CD99L2: variants seen among roughly 807,000 people sequenced by gnomAD.
CD99L2 encodes CD99 antigen-like protein 2.
Under a neutral mutation model 27.3 loss-of-function variants are expected in CD99L2, and 24 were observed. That is an observed-to-expected ratio of 0.88 (90% CI 0.64 to 1.24). CD99L2 has a LOEUF of 1.24. Ranked by LOEUF, CD99L2 falls within the 50% of genes most tolerant of loss-of-function variation. The pLI is 0.00. For synonymous variants in CD99L2, 97 were observed against 87.9 expected (o/e 1.10, Z -0.58); for missense variants, 255 against 221.6 (o/e 1.15, Z -0.96).
In CD99L2 at chrX:150,881,386, C is replaced by G. The variant is rs185713906; in HGVS notation, c.67+17136G>C. 4.5e-5 allele frequency among the ~76,000 whole-genome samples: 5 copies of G among 112,026 alleles called. No individual in the cohort carries two copies. The East Asian group carries it at 8.5e-4, about 19-fold the overall frequency. On this transcript the variant is annotated intron_variant, in intron 1 of 10. Coordinates refer to ENST00000370377, the MANE Select transcript of CD99L2 (RefSeq NM_031462.4). ...CCTTTGCCACCTGGCACAGTCCCAGCTAGGTCATCGCAGAGATTGTAGCCA... is the reference window on the plus strand; with the variant it reads ...CCTTTGCCACCTGGCACAGTCCCAGGTAGGTCATCGCAGAGATTGTAGCCA...
chrX:150,781,198 C>CA (rs1282194536), intron 7 of CD99L2, among the ~76,000 whole-genome samples: 1 of 111,779 alleles, frequency 8.9e-6, no homozygotes, highest in Non-Finnish European at 1.9e-5. Flanking sequence ...CCTTTAATGA[C>CA]AGAGAATGAT....
intron 7 of CD99L2, among the ~76,000 whole-genome samples, chrX:150,788,636 AAGTT>A (rs1452151088): frequency 1.8e-5 from 2 of 111,871 alleles, no homozygotes; most frequent in Non-Finnish European, 3.8e-5. Flanking sequence ...CCTGGACAAA[AAGTT>A]AGTCATTTCA....
At chrX:150,881,848 C>T (rs1401249062) in intron 1 of CD99L2, among the ~76,000 whole-genome samples, 4 of 99,868 alleles carry the variant, frequency 4.0e-5, no homozygotes, top group African/African-American at 1.5e-4. Flanking sequence ...GACGGCGTCT[C>T]GCTCTGTTGC....
At chrX:150,861,629 G>A (rs371911776) in intron 1 of CD99L2, among the ~76,000 whole-genome samples, 1 of 111,735 alleles carries the variant, frequency 8.9e-6, no homozygotes, top group African/African-American at 3.3e-5. Flanking sequence ...CTAGCTGGGC[G>A]CAGTGGCTCA....
intron 9 of CD99L2, among the ~76,000 whole-genome samples, chrX:150,774,661 G>C (rs1184227742): frequency 2.7e-5 from 3 of 112,050 alleles, no homozygotes; most frequent in African/African-American, 9.7e-5. Context: ...GTACCTGGTT[G>C]CCCTGGGCTC....
At chrX:150,857,116 T>C (rs782185069) in intron 1 of CD99L2, among the ~76,000 whole-genome samples, 23 of 111,603 alleles carry the variant, frequency 2.1e-4, no homozygotes, top group Non-Finnish European at 3.8e-4. Flanking sequence ...TCATAATATA[T>C]GGGAAATCAT....
chrX:150,795,343 C>T, intron 5 of CD99L2, 54 bp from the exon 6 acceptor site: 1 of 1,206,348 alleles, frequency 8.3e-7, no homozygotes, highest in Non-Finnish European at 1.1e-6. Flanking sequence ...CTATGGGTAG[C>T]TCATTTGGAT....
chrX:150,782,746 T>C (rs781885811), intron 7 of CD99L2, among the ~76,000 whole-genome samples: 5 of 111,249 alleles, frequency 4.5e-5, no homozygotes, highest in Non-Finnish European at 9.4e-5. Context: ...TATCTCTTCT[T>C]AGAACTAATC....
At chrX:150,794,179 G>A (rs1362118324) in intron 6 of CD99L2, among the ~76,000 whole-genome samples, 12 of 111,428 alleles carry the variant, frequency 1.1e-4, no homozygotes, top group South Asian at 3.8e-4. Context: ...AGAGTCGGTC[G>A]GTCTCTCCTC....
chrX:150,886,240 AATAT>A (rs2047407542), intron 1 of CD99L2, among the ~76,000 whole-genome samples: 1 of 112,459 alleles, frequency 8.9e-6, no homozygotes. Context: ...TATTTCAAAG[AATAT>A]ATAGTCATGT....
intron 1 of CD99L2, among the ~76,000 whole-genome samples, chrX:150,859,028 A>G (rs1557421830): frequency 8.9e-6 from 1 of 111,982 alleles, no homozygotes; most frequent in African/African-American, 3.2e-5. Flanking sequence ...GGACATTACA[A>G]TTGATGCCAC....
intron 7 of CD99L2, among the ~76,000 whole-genome samples, chrX:150,790,834 A>G (rs1461035286): frequency 9.0e-6 from 1 of 111,698 alleles, no homozygotes; most frequent in Admixed American, 9.5e-5. Flanking sequence ...ATTATTTTGG[A>G]TATGTGTATA....
intron 4 of CD99L2, among the ~76,000 whole-genome samples, chrX:150,809,709 G>A (rs2046046166): frequency 8.9e-6 from 1 of 111,897 alleles, no homozygotes; most frequent in Admixed American, 9.5e-5. Context: ...AGTAATGAAT[G>A]GGGAAAGGTC....
chrX:150,793,801 C>T (rs1557419803), intron 6 of CD99L2, 45 bp from the exon 7 acceptor site: 1 of 1,050,886 alleles, frequency 9.5e-7, no homozygotes, highest in Admixed American at 2.7e-5. Flanking sequence ...AAAAAAAAAT[C>T]AGCAACAAGA....
At chrX:150,871,072 A>G (rs1557422169) in intron 1 of CD99L2, among the ~76,000 whole-genome samples, 1 of 112,654 alleles carries the variant, frequency 8.9e-6, no homozygotes, top group Non-Finnish European at 1.9e-5. Context: ...TAAATAACTT[A>G]TTCTTGGATG....
chrX:150,794,943 T>C (rs1222420926), intron 6 of CD99L2, among the ~76,000 whole-genome samples: 3 of 112,922 alleles, frequency 2.7e-5, no homozygotes, highest in Non-Finnish European at 5.6e-5. Flanking sequence ...ATGGGTTTAA[T>C]GTTGTTCATT....
At chrX:150,852,714 A>C (rs2046811833) in intron 1 of CD99L2, among the ~76,000 whole-genome samples, 1 of 110,451 alleles carries the variant, frequency 9.1e-6, no homozygotes, top group African/African-American at 3.3e-5. Flanking sequence ...CATCCAGTAC[A>C]TGCTCTTTCA....
At chrX:150,820,550 C>G (rs1557420639) in intron 2 of CD99L2, among the ~76,000 whole-genome samples, 1 of 111,950 alleles carries the variant, frequency 8.9e-6, no homozygotes, top group Non-Finnish European at 1.9e-5. Flanking sequence ...TGTGAAAAAT[C>G]TGCAATTGAC....
chrX:150,873,763 G>T (rs2047191687), intron 1 of CD99L2, among the ~76,000 whole-genome samples: 1 of 111,197 alleles, frequency 9.0e-6, no homozygotes, highest in Non-Finnish European at 1.9e-5. Flanking sequence ...CCCAGAGCAT[G>T]AGATGGGGAA....
Sources: gnomAD v4.1 joint callset for allele counts (sites outside exome capture counted in the v4.1 genomes callset) on GRCh38, gnomAD v4.1.1 for gene constraint, MANE v1.5 for transcripts, NCBI Gene and HGNC (gene_info 2026-07-23, HGNC 2026-07-21) for gene names.